Variants in AGFG1 observed in about 807,000 individuals in gnomAD.
The protein encoded by AGFG1 is ArfGAP with FG repeats 1, also known as arf-GAP domain and FG repeat-containing protein 1.
A neutral mutation model predicts 60.6 loss-of-function variants in AGFG1; 10 were observed. That is an observed-to-expected ratio of 0.16 (90% confidence interval 0.10 to 0.28). AGFG1 has a LOEUF of 0.28. Among genes scored for constraint, AGFG1 ranks in the 10% least tolerant of loss-of-function variants. AGFG1 has a pLI of 1.00. For missense variants in AGFG1, 537 were observed against 676.5 expected, an observed-to-expected ratio of 0.79 and a Z score of 2.29; for synonymous variants, 247 against 242.9, an observed-to-expected ratio of 1.02 and a Z score of -0.16.
At chr2:227,490,864 AG>A (rs1402046717) in intron 1 of AGFG1, among the ~76,000 whole-genome samples, 1 of 152,206 alleles carries the variant, frequency 6.6e-6, no homozygotes, top group Non-Finnish European at 1.5e-5. Flanking sequence ...CATACAGAAA[AG>A]GCTTCAGGGT....
At chr2:227,529,747 C>T (rs1253183723) in intron 5 of AGFG1, among the ~76,000 whole-genome samples, 1 of 151,934 alleles carries the variant, frequency 6.6e-6, no homozygotes, top group Non-Finnish European at 1.5e-5. Context: ...GATCTAAACC[C>T]AACTGCCTTG....
intron 1 of AGFG1, among the ~76,000 whole-genome samples, chr2:227,478,239 T>TAAA (rs11383048): frequency 0.024 from 3,385 of 143,878 alleles, 119 homozygotes; most frequent in African/African-American, 0.081. Context: ...AAGCAATCAG[T>TAAA]AAAAAAAAAA....
intron 2 of AGFG1, among the ~76,000 whole-genome samples, chr2:227,505,914 T>G (rs983638627): frequency 6.6e-6 from 1 of 152,106 alleles, no homozygotes; most frequent in African/African-American, 2.4e-5. Context: ...ATTTTTGTAT[T>G]TTTAGTAGAG....
At chr2:227,534,624 G>A (rs1016359698) in intron 7 of AGFG1, among the ~76,000 whole-genome samples, 1 of 152,128 alleles carries the variant, frequency 6.6e-6, no homozygotes, top group Non-Finnish European at 1.5e-5. Context: ...GGTACAGAGT[G>A]TTAATTTTTG....
In AGFG1 at chr2:227,557,129, A is replaced by G. The variant is rs148027115; in HGVS notation, c.*2634A>G. 6.6e-6 allele frequency: 1 copy of G among 152,288 alleles called. No homozygotes were observed. Among genetic ancestry groups the G allele is most frequent in the Non-Finnish European group, 1.5e-5 (1 of 68,024 alleles). 9.4% of individuals were successfully genotyped at this position (152,288 alleles called of 1,614,324 possible). ...AAGGTAACAAGGCTGAAGACCTTCAAATTTCCTGGCTTACTGGTTTAGTCA... is the reference window on the plus strand; with the variant it reads ...AAGGTAACAAGGCTGAAGACCTTCAGATTTCCTGGCTTACTGGTTTAGTCA... On this transcript the variant is annotated 3_prime_UTR_variant, in exon 13 of 13. Coordinates refer to ENST00000310078, the MANE Select transcript of AGFG1 (RefSeq NM_004504.5).
At chr2:227,550,102 T>G (rs1420229945) in intron 10 of AGFG1, 1 of 442,318 alleles carries the variant, frequency 2.3e-6, no homozygotes. Flanking sequence ...CTCACGCTCA[T>G]TTTGGTAGGT....
At chr2:227,502,907 T>G (rs1691202627) in intron 2 of AGFG1, among the ~76,000 whole-genome samples, 1 of 152,156 alleles carries the variant, frequency 6.6e-6, no homozygotes, top group Admixed American at 6.6e-5. Flanking sequence ...CACTTTTCTT[T>G]CCTCGGTGTT....
chr2:227,498,179 G>A (rs540318230), intron 2 of AGFG1, among the ~76,000 whole-genome samples: 1 of 151,980 alleles, frequency 6.6e-6, no homozygotes, highest in African/African-American at 2.4e-5. Context: ...TTGGTAACTT[G>A]CCCAAGATCG....
At chr2:227,489,590 A>G (rs920061873) in intron 1 of AGFG1, among the ~76,000 whole-genome samples, 1 of 152,026 alleles carries the variant, frequency 6.6e-6, no homozygotes, top group African/African-American at 2.4e-5. Context: ...TTATTTCCCT[A>G]TTTTATGACA....
rs896902030 is a variant in AGFG1 at position 227,555,818 on chromosome 2, T to A, written c.*1323T>A. 4 of 152,330 alleles carry A rather than the reference T, an allele frequency of 2.6e-5. No homozygotes were observed. Among genetic ancestry groups the A allele is most frequent in the Non-Finnish European group, 4.4e-5 (3 of 68,010 alleles). The allele number at this position is 152,330 out of a possible 1,614,324, so 9.4% of individuals were successfully genotyped here. ...CTCAGAAACTTGGAATCGTTTTTTT[T>A]AAAAATGCCTCTGAGCAACCCATAT... On this transcript the variant is annotated 3_prime_UTR_variant, in exon 13 of 13. Transcript: ENST00000310078.
rs1033476964 is a variant in AGFG1, at chr2:227,536,804, C to A, written c.1286-97C>A. The A allele has an allele frequency of 1.6e-5, 25 of 1,538,626 alleles. No homozygotes were observed. The African/African-American group carries it at 3.2e-4, about 19-fold the overall frequency. Reference sequence around the variant, plus strand: ...CAAAGCAATGATTTGTTATCAGAATCCTTGAGTTTTCTGTCTTGATAAATA... The same window carrying A: ...CAAAGCAATGATTTGTTATCAGAATACTTGAGTTTTCTGTCTTGATAAATA... On this transcript the variant is annotated intron_variant, in intron 9 of 12. Transcript: ENST00000310078.
chr2:227,490,591 A>AG (rs1342318615), intron 1 of AGFG1, among the ~76,000 whole-genome samples: 1 of 151,846 alleles, frequency 6.6e-6, no homozygotes, highest in Non-Finnish European at 1.5e-5. Context: ...AAAAAAAAAA[A>AG]AAATTACTGC....
At chr2:227,514,573 T>C (rs1691598173) in intron 2 of AGFG1, among the ~76,000 whole-genome samples, 1 of 152,212 alleles carries the variant, frequency 6.6e-6, no homozygotes, top group Non-Finnish European at 1.5e-5. Flanking sequence ...AACCTCCCTA[T>C]GAAATAGGTT....
intron 1 of AGFG1, among the ~76,000 whole-genome samples, chr2:227,474,564 T>G (rs151153691): frequency 1.3e-5 from 2 of 152,356 alleles, no homozygotes; most frequent in East Asian, 3.9e-4. Context: ...TCCACAAATA[T>G]TTATTGCCTA....
At chr2:227,552,679 T>G (rs942478680) in intron 11 of AGFG1, among the ~76,000 whole-genome samples, 27 of 151,682 alleles carry the variant, frequency 1.8e-4, no homozygotes, top group African/African-American at 6.3e-4. Context: ...TTTCTTTTTT[T>G]TTTTTTTTAA....
chr2:227,513,924 A>G (rs986052166), intron 2 of AGFG1, among the ~76,000 whole-genome samples: 1 of 152,206 alleles, frequency 6.6e-6, no homozygotes, highest in South Asian at 2.1e-4. Context: ...TATTTGAAGC[A>G]TTATGGGGAA....
intron 1 of AGFG1, among the ~76,000 whole-genome samples, chr2:227,487,205 G>A (rs529268158): frequency 1.3e-5 from 2 of 152,146 alleles, no homozygotes; most frequent in South Asian, 4.2e-4. Context: ...CTAAATTTTT[G>A]GAATACTACT....
chr2:227,543,295 G>A (rs1008640746), intron 10 of AGFG1, among the ~76,000 whole-genome samples: 2 of 152,088 alleles, frequency 1.3e-5, no homozygotes, highest in East Asian at 3.9e-4. Context: ...GGCATTTAGT[G>A]CTATAAATTT....
intron 3 of AGFG1, among the ~76,000 whole-genome samples, chr2:227,522,838 C>T (rs1691863430): frequency 6.6e-6 from 1 of 152,204 alleles, no homozygotes; most frequent in Non-Finnish European, 1.5e-5. Flanking sequence ...TTATTATATC[C>T]TTGCTACCTC....
Sources: allele counts gnomAD v4.1 joint callset (sites outside exome capture counted in the v4.1 genomes callset), GRCh38; gene constraint gnomAD v4.1.1; transcripts MANE v1.5; gene names NCBI Gene and HGNC (gene_info 2026-07-23, HGNC 2026-07-21).